The following ACSL3 variants were observed in gnomAD, a reference collection of about 807,000 sequenced individuals.
ACSL3 encodes the protein acyl-CoA synthetase long chain family member 3.
ACSL3 carries 34 observed loss-of-function variants against 84.7 expected under a neutral mutation model. That is an observed-to-expected ratio of 0.40 (90% CI 0.31 to 0.53). ACSL3 has a LOEUF of 0.53. Among genes scored for constraint, ACSL3 ranks in the 20% least tolerant of loss-of-function variants. ACSL3 has a pLI of 0.48. For synonymous variants in ACSL3, 315 were observed against 299.4 expected, an observed-to-expected ratio of 1.05 and a Z score of -0.54; for missense variants, 680 against 873.1, an observed-to-expected ratio of 0.78 and a Z score of 2.79.
chr2:222,882,763 T>TTG (rs1491113557), intron 1 of ACSL3, among the ~76,000 whole-genome samples: 5 of 62,310 alleles, frequency 8.0e-5, no homozygotes, highest in African/African-American at 3.6e-4. Context: ...AGATCACTGT[T>TTG]TTTTTTTTTT....
chr2:222,868,968 TCAAAAAAAAAAA>T (rs1695225504), intron 1 of ACSL3, among the ~76,000 whole-genome samples: 8 of 131,506 alleles, frequency 6.1e-5, no homozygotes, highest in African/African-American at 2.5e-4. Context: ...AGACGCTGTC[TCAAAAAAAAAAA>T]AAAAATTAGG....
Position 222,913,775 on chromosome 2 carries a change from C to T in ACSL3, c.379-2544C>T, listed in dbSNP as rs374755647. On this transcript the variant is annotated intron_variant, in intron 4 of 16. Coordinates refer to ENST00000357430, the MANE Select transcript of ACSL3 (RefSeq NM_004457.5). Reference sequence around the variant, plus strand: ...TTTGCCTGGGTTCATATTCTAGTCCCATTACTTATTAGTTACATGATTTTG... The same window carrying T: ...TTTGCCTGGGTTCATATTCTAGTCCTATTACTTATTAGTTACATGATTTTG... Among the ~76,000 whole-genome samples, 11 of 152,136 alleles carry T rather than the reference C, an allele frequency of 7.2e-5. No individual in the cohort carries two copies. In the East Asian group the frequency reaches 1.5e-3, roughly 21 times the overall value.
intron 14 of ACSL3, among the ~76,000 whole-genome samples, chr2:222,932,154 A>G (rs1294430176): frequency 6.6e-6 from 1 of 152,302 alleles, no homozygotes; most frequent in East Asian, 1.9e-4. Flanking sequence ...GTACCAATGT[A>G]TTGAAGTAAT....
At chr2:222,932,583 C>G (rs1267097838) in intron 14 of ACSL3, among the ~76,000 whole-genome samples, 1 of 152,158 alleles carries the variant, frequency 6.6e-6, no homozygotes, top group African/African-American at 2.4e-5. Context: ...CCCGCCTCGG[C>G]CTCCCGAAGT....
At chr2:222,921,710 GTTTTTTTTA>G (rs1331413180) in intron 8 of ACSL3, among the ~76,000 whole-genome samples, 1 of 151,956 alleles carries the variant, frequency 6.6e-6, no homozygotes, top group Non-Finnish European at 1.5e-5. Flanking sequence ...TGCTGCTGTA[GTTTTTTTTA>G]TATCTAAATA....
At chr2:222,867,033 C>T (rs1412230708) in intron 1 of ACSL3, among the ~76,000 whole-genome samples, 1 of 151,926 alleles carries the variant, frequency 6.6e-6, no homozygotes, top group Non-Finnish European at 1.5e-5. Context: ...TGGGGTTTCA[C>T]CATGTTGGCC....
rs60071249 is a variant in ACSL3 at position 222,870,103 on chromosome 2, G to GT, written c.-207+8860dup. On this transcript the variant is annotated intron_variant, in intron 1 of 16. Transcript: ENST00000357430. ...GCCATTTAGTCTGACTGGACTTCTG[G>GT]TTTTTTTTTTTTTTTGGTCTGTAAT... 8.3e-3 allele frequency among the ~76,000 whole-genome samples: 1,168 copies of GT among 140,334 alleles called. 7 individuals are homozygous for GT. The highest frequency in any genetic ancestry group is 0.011 in the East Asian group (55 of 4,810). The allele number at this position is 140,334 out of a possible 152,430, so 92.1% of individuals were successfully genotyped here.
intron 14 of ACSL3, among the ~76,000 whole-genome samples, chr2:222,931,222 T>C (rs1039250480): frequency 3.3e-5 from 5 of 152,086 alleles, no homozygotes; most frequent in African/African-American, 4.8e-5. Context: ...GCTTCTCCTT[T>C]TAGGTTCTTT....
chr2:222,917,415 A>G (rs1385272583), intron 5 of ACSL3: 4 of 152,192 alleles, frequency 2.6e-5, no homozygotes, highest in Non-Finnish European at 5.9e-5. Context: ...TTAAACAAAC[A>G]TTCCATTTTT....
intron 1 of ACSL3, among the ~76,000 whole-genome samples, chr2:222,886,898 A>G (rs1427819083): frequency 6.6e-6 from 1 of 152,212 alleles, no homozygotes. Flanking sequence ...TACATTGGTT[A>G]TAACTGATGA....
At position 222,892,044 on chromosome 2, in the gene ACSL3, G is replaced by T. The variant is rs77527897; in HGVS notation, c.-148+4156G>T. 1.4e-4 allele frequency among the ~76,000 whole-genome samples: 22 copies of T among 152,204 alleles called. No individual in the cohort carries two copies. The Middle Eastern group carries it at 0.014, about 94-fold the overall frequency. The stretch of plus-strand genomic sequence containing the variant: ...GGTTCTTGCATGGATTAATGATCTC[G>T]ATTTCAGCCCTGTAGTCATTGCGAT... On this transcript the variant is annotated intron_variant, in intron 2 of 16. Coordinates refer to ENST00000357430, the MANE Select transcript of ACSL3 (RefSeq NM_004457.5).
At chr2:222,888,547 A>G (rs999266398) in intron 2 of ACSL3, among the ~76,000 whole-genome samples, 2 of 152,234 alleles carry the variant, frequency 1.3e-5, no homozygotes, top group Non-Finnish European at 2.9e-5. Flanking sequence ...GATAGTTGAC[A>G]TCCTTCTTTT....
At chr2:222,876,354 A>G (rs1197648747) in intron 1 of ACSL3, among the ~76,000 whole-genome samples, 1 of 151,942 alleles carries the variant, frequency 6.6e-6, no homozygotes, top group Non-Finnish European at 1.5e-5. Context: ...TTGAGACAGA[A>G]TCTCAGTCCT....
intron 3 of ACSL3, among the ~76,000 whole-genome samples, chr2:222,907,854 C>T (rs973021700): frequency 2.6e-5 from 4 of 152,036 alleles, no homozygotes; most frequent in Admixed American, 6.6e-5. Flanking sequence ...GCACATGGTA[C>T]GCTCTCTCTT....
At chr2:222,918,814 C>G (rs1696653689) in intron 6 of ACSL3, among the ~76,000 whole-genome samples, 2 of 151,708 alleles carry the variant, frequency 1.3e-5, no homozygotes, top group African/African-American at 4.8e-5. Context: ...TAAGGCAGTA[C>G]CCTTCTTGAT....
rs1485641264 is a variant in ACSL3, at chr2:222,944,510, C to G, written c.*2856C>G. 1 of 151,916 alleles carries G rather than the reference C, an allele frequency of 6.6e-6. No individual in the cohort carries two copies. The highest frequency in any genetic ancestry group is 1.5e-5 in the Non-Finnish European group (1 of 67,948). 9.4% of individuals were successfully genotyped at this position (151,916 alleles called of 1,614,324 possible). On this transcript the variant is annotated 3_prime_UTR_variant, in exon 17 of 17. Transcript: ENST00000357430. The stretch of plus-strand genomic sequence containing the variant: ...ACTGTGAGTTCATTTCCGATGTGTT[C>G]TTGGTTGTTGCTGTTTTCTGCCTGA...
At chr2:222,883,844 C>A (rs901668642) in intron 1 of ACSL3, among the ~76,000 whole-genome samples, 5 of 152,124 alleles carry the variant, frequency 3.3e-5, no homozygotes, top group African/African-American at 4.8e-5. Context: ...GAGTCTCCAC[C>A]TCATTTTCTG....
At chr2:222,905,371 G>A (rs758382846) in intron 3 of ACSL3, among the ~76,000 whole-genome samples, 4 of 152,064 alleles carry the variant, frequency 2.6e-5, no homozygotes, top group East Asian at 3.9e-4. Context: ...ATATTGCCCC[G>A]GCTGGTCTTG....
chr2:222,906,113 C>T (rs984832161), intron 3 of ACSL3, among the ~76,000 whole-genome samples: 18 of 152,152 alleles, frequency 1.2e-4, no homozygotes, highest in Non-Finnish European at 8.8e-5. Flanking sequence ...GATTTTCCCT[C>T]CCCTCTTCCA....
Sources: allele counts gnomAD v4.1 joint callset (sites outside exome capture counted in the v4.1 genomes callset), GRCh38; gene constraint gnomAD v4.1.1; transcripts MANE v1.5; gene names NCBI Gene and HGNC (gene_info 2026-07-23, HGNC 2026-07-21).